DUT: variants seen among roughly 807,000 people sequenced by gnomAD.
DUT encodes the protein deoxyuridine triphosphatase, also known as deoxyuridine 5'-triphosphate nucleotidohydrolase, mitochondrial.
A neutral mutation model predicts 28.8 loss-of-function variants in DUT; 21 were observed. That is an observed-to-expected ratio of 0.73 (90% CI 0.52 to 1.05). The LOEUF (loss-of-function observed/expected upper bound fraction) is 1.05, where lower values mean the gene tolerates loss of function less well. Among genes scored for constraint, DUT ranks in the 50% least tolerant of loss-of-function variants. The pLI is 0.00. For missense variants in DUT, 344 were observed against 351.8 expected (o/e 0.98, Z 0.18); for synonymous variants, 147 against 143.7 (o/e 1.02, Z -0.17).
Position 48,331,770 on chromosome 15 carries a change from G to A in DUT, c.255G>A (p.Ala85=), listed in dbSNP as rs911204969. The A allele has an allele frequency of 2.9e-6, 4 of 1,390,836 alleles. No homozygotes were observed. Among genetic ancestry groups the A allele is most frequent in the Non-Finnish European group, 3.7e-6 (4 of 1,077,320 alleles). 86.2% of individuals were successfully genotyped at this position (1,390,836 alleles called of 1,614,324 possible). Reference sequence around the variant, plus strand: ...GCTGGAAGGGCGAGCTTCCTAAGGCGGGGGGAAGCCCGGCGCCGGGGCCGG... The same window carrying A: ...GCTGGAAGGGCGAGCTTCCTAAGGCAGGGGGAAGCCCGGCGCCGGGGCCGG... ...AAGWKGELPK[A]GGSPAPGPET... The change falls in exon 1 of 7, where the codon GCG becomes GCA. Residue 85 remains alanine (A), a synonymous_variant. Transcript: ENST00000331200.
At chr15:48,333,276 AAAAAGG>A (rs1208341033) in intron 2 of DUT, among the ~76,000 whole-genome samples, 1 of 152,198 alleles carries the variant, frequency 6.6e-6, no homozygotes, top group Non-Finnish European at 1.5e-5. Context: ...GCAACAGAAA[AAAAAGG>A]AAAAGGAAAG....
intron 2 of DUT, 29 bp from the exon 3 acceptor site, chr15:48,334,388 G>C (rs746194583): frequency 7.3e-7 from 1 of 1,370,300 alleles, no homozygotes. Context: ...AAATAGATTT[G>C]CAGTTATTTT....
At chr15:48,332,202 G>A in intron 1 of DUT, 66 bp from the exon 2 acceptor site, 1 of 1,517,646 alleles carries the variant, frequency 6.6e-7, no homozygotes, top group Non-Finnish European at 8.8e-7. Flanking sequence ...CGCTCATCGT[G>A]CGCTCTCCTC....
chr15:48,341,612 A>G (rs2042535879), intron 6 of DUT, 27 bp downstream of exon 6: 7 of 1,532,554 alleles, frequency 4.6e-6, no homozygotes, highest in Non-Finnish European at 6.3e-6. Context: ...AAGATACAGA[A>G]TAAGTAATAT....
rs138529938 is a variant in DUT at position 48,342,809 on chromosome 15, C to T, written c.*731C>T. The T allele has an allele frequency of 8.5e-5, 13 of 152,212 alleles. No homozygotes were observed. The highest frequency in any genetic ancestry group is 2.4e-4 in the African/African-American group (10 of 41,532). The allele number at this position is 152,212 out of a possible 1,614,324, so 9.4% of individuals were successfully genotyped here. Reference sequence around the variant, plus strand: ...AGGCAAATTGTACTAGTTGTAGTTACGAGTTTTCCCTCAGTGAAGTAGCAA... The same window carrying T: ...AGGCAAATTGTACTAGTTGTAGTTATGAGTTTTCCCTCAGTGAAGTAGCAA... On this transcript the variant is annotated 3_prime_UTR_variant, in exon 7 of 7. Transcript: ENST00000331200.
At chr15:48,335,003 C>A (rs2141160850) in intron 3 of DUT, among the ~76,000 whole-genome samples, 1 of 152,298 alleles carries the variant, frequency 6.6e-6, no homozygotes, top group South Asian at 2.1e-4. Context: ...TGACTAACTT[C>A]AGAGTAAACA....
At chr15:48,337,440 G>T (rs1271871538) in intron 4 of DUT, among the ~76,000 whole-genome samples, 2 of 152,190 alleles carry the variant, frequency 1.3e-5, no homozygotes, top group Admixed American at 1.3e-4. Context: ...TAACCTTTCT[G>T]AGCCTGTTTC....
chr15:48,331,997 C>A, intron 1 of DUT: 1 of 910,532 alleles, frequency 1.1e-6, no homozygotes, highest in Non-Finnish European at 1.5e-6. Context: ...AAGTTGGCCC[C>A]ACGCGCTGAA....
chr15:48,333,052 A>AT (rs968796751), intron 2 of DUT, among the ~76,000 whole-genome samples: 3 of 151,208 alleles, frequency 2.0e-5, no homozygotes, highest in Non-Finnish European at 4.4e-5. Flanking sequence ...AGATGATATA[A>AT]TTTTTTATCC....
chr15:48,337,112 GTC>G (rs2042484227), intron 4 of DUT, among the ~76,000 whole-genome samples: 1 of 152,132 alleles, frequency 6.6e-6, no homozygotes, highest in South Asian at 2.1e-4. Context: ...TCTCCATAGT[GTC>G]ACCAGGTGGT....
chr15:48,331,942 C>A, intron 1 of DUT, 147 bp downstream of exon 1: 1 of 929,790 alleles, frequency 1.1e-6, no homozygotes, highest in Non-Finnish European at 1.5e-6. Context: ...GGCGAGGGGG[C>A]GGCTTTCTAG....
Position 48,331,842 on chromosome 15 carries a change from G to C in DUT, c.280+47G>C. On this transcript the variant is annotated intron_variant, in intron 1 of 6. Coordinates refer to ENST00000331200, the MANE Select transcript of DUT (RefSeq NM_001025248.2). ...CTCCGGCCGTCTGGAAGGAATCCACGCGGCTTGAGGCTGTGGGGGAAGTAG... is the reference window on the plus strand; with the variant it reads ...CTCCGGCCGTCTGGAAGGAATCCACCCGGCTTGAGGCTGTGGGGGAAGTAG... The C allele has an allele frequency of 3.0e-6, 4 of 1,317,938 alleles. No individual in the cohort carries two copies. The East Asian group carries it at 9.4e-5, about 31-fold the overall frequency. The allele number at this position is 1,317,938 out of a possible 1,614,324, so 81.6% of individuals were successfully genotyped here. A position where few individuals can be genotyped will look rare whatever the true frequency, so the allele number is the denominator to read the frequency against.
chr15:48,334,231 C>T (rs543066751), intron 2 of DUT, among the ~76,000 whole-genome samples, 186 bp from the exon 3 acceptor site: 1 of 152,286 alleles, frequency 6.6e-6, no homozygotes, highest in South Asian at 2.1e-4. Context: ...AAATAGCCAC[C>T]TCTACCTTCT....
In DUT at chr15:48,336,009, C is replaced by G. The variant is rs1470054289; in HGVS notation, c.512-37C>G. 6 of 1,584,238 alleles carry G rather than the reference C, an allele frequency of 3.8e-6. No individual in the cohort carries two copies. In the African/African-American group the frequency reaches 4.1e-5, roughly 11 times the overall value. The stretch of plus-strand genomic sequence containing the variant: ...AGTTATCTCTGATATAGCCCTTCCC[C>G]CTTAAAATAACCAATGTCTCCTTTT... On this transcript the variant is annotated intron_variant, in intron 3 of 6. Coordinates refer to ENST00000331200, the MANE Select transcript of DUT (RefSeq NM_001025248.2).
At position 48,340,209 on chromosome 15, in the gene DUT, A is replaced by T. The variant is rs531882447; in HGVS notation, c.557-1080A>T. On this transcript the variant is annotated intron_variant, in intron 4 of 6. Transcript: ENST00000331200. Reference sequence around the variant, plus strand: ...GTGACATGGAGCTGTCTTCAGTTAGATTCACGTGAGTCTTATCCAGCCTTT... The same window carrying T: ...GTGACATGGAGCTGTCTTCAGTTAGTTTCACGTGAGTCTTATCCAGCCTTT... The T allele has an allele frequency of 3.9e-5, 6 of 152,264 alleles. No homozygotes were observed. The East Asian group carries it at 1.2e-3, about 29-fold the overall frequency. 9.4% of individuals were successfully genotyped at this position (152,264 alleles called of 1,614,324 possible).
chr15:48,331,756 G>A lies in DUT; in HGVS notation c.241G>A (p.Glu81Lys), dbSNP rs1180950161. 9 of 1,416,360 alleles carry A rather than the reference G, an allele frequency of 6.4e-6. No individual in the cohort carries two copies. Among genetic ancestry groups the A allele is most frequent in the East Asian group, 5.8e-5 (2 of 34,516 alleles). The allele number at this position is 1,416,360 out of a possible 1,614,324, so 87.7% of individuals were successfully genotyped here. ...AGTCGGGGCCGCTGGCTGGAAGGGC[G>A]AGCTTCCTAAGGCGGGGGGAAGCCC... is the stretch of plus-strand genomic sequence containing the variant. ...STVGAAGWKG[E>K]LPKAGGSPAP... is the part of the protein sequence containing the mutation. The change falls in exon 1 of 7, where the codon GAG becomes AAG. Residue 81 changes from glutamate (E) to lysine (K), a missense_variant. Transcript: ENST00000331200.
upstream of DUT, chr15:48,331,240 A>C: frequency 6.7e-7 from 1 of 1,483,804 alleles, no homozygotes; most frequent in East Asian, 2.5e-5. Context: ...ACTCTCGGAA[A>C]AATGGGGGCC....
At chr15:48,332,209 C>A in intron 1 of DUT, 59 bp from the exon 2 acceptor site, 1 of 1,534,640 alleles carries the variant, frequency 6.5e-7, no homozygotes, top group South Asian at 1.2e-5. Context: ...CGTGCGCTCT[C>A]CTCTTCCCCC....
chr15:48,342,312 TG>T lies in DUT; in HGVS notation c.*235del. The T allele has an allele frequency of 3.5e-6, 1 of 283,276 alleles. No homozygotes were observed. Among genetic ancestry groups the T allele is most frequent in the South Asian group, 1.1e-4 (1 of 9,264 alleles). 17.5% of individuals were successfully genotyped at this position (283,276 alleles called of 1,614,324 possible). On this transcript the variant is annotated 3_prime_UTR_variant, in exon 7 of 7. Transcript: ENST00000331200. ...AAAAGAAACTTTGTTTTTCCGCAAT[TG>T]AAGGTTGTATGTAAATCTGCTTTGT...
Sources: gnomAD v4.1 joint callset for allele counts (sites outside exome capture counted in the v4.1 genomes callset) on GRCh38, gnomAD v4.1.1 for gene constraint, MANE v1.5 for transcripts, NCBI Gene and HGNC (gene_info 2026-07-23, HGNC 2026-07-21) for gene names.